The following CAPN6 variants were observed in gnomAD, a reference collection of about 807,000 sequenced individuals.
CAPN6 encodes the protein calpain 6, also known as calpain-6.
In CAPN6, 16 loss-of-function variants were observed where a neutral mutation model predicts 46.0. The ratio of observed to expected loss-of-function variants is 0.35; its 90% confidence interval spans 0.24 to 0.53. The LOEUF is 0.53. Among genes scored for constraint, CAPN6 ranks in the 20% least tolerant of loss-of-function variants. CAPN6 has a pLI of 0.94. For missense variants in CAPN6, 461 were observed against 498.0 expected (o/e 0.93, Z 0.71); for synonymous variants, 206 against 172.8 (o/e 1.19, Z -1.51).
At chrX:111,263,675 T>A in intron 2 of CAPN6, 97 bp downstream of exon 2, 1 of 615,341 alleles carries the variant, frequency 1.6e-6, no homozygotes, top group Non-Finnish European at 2.4e-6. Context: ...AACTTCTAAA[T>A]TGGTCTACAC....
At position 111,250,935 on chromosome X, in the gene CAPN6, G is replaced by A. The variant is rs760478768; in HGVS notation, c.1140C>T (p.Thr380=). 1.7e-6 allele frequency: 2 copies of A among 1,210,007 alleles called. No individual in the cohort carries two copies. The highest frequency in any genetic ancestry group is 3.0e-5 in the East Asian group (1 of 33,802). ...RSGGCYNNRD[T]FLQNPQYIFT... ...CTCAAACCTGGGGATTCTGCAGGAAGGTATCACGGTTGTTATAGCAGCCTC... is the reference window on the plus strand; with the variant it reads ...CTCAAACCTGGGGATTCTGCAGGAAAGTATCACGGTTGTTATAGCAGCCTC... Residue 380 remains threonine, a synonymous_variant, in exon 8 of 13, where the codon ACC becomes ACT. Coordinates refer to ENST00000324068, the MANE Select transcript of CAPN6 (RefSeq NM_014289.4).
chrX:111,260,781 T>G (rs754066991), intron 2 of CAPN6, among the ~76,000 whole-genome samples: 21 of 112,564 alleles, frequency 1.9e-4, no homozygotes, highest in Non-Finnish European at 3.6e-4. Context: ...ACCATTCCAA[T>G]CTATGGTAAC....
At chrX:111,263,412 A>G (rs1300140483) in intron 2 of CAPN6, among the ~76,000 whole-genome samples, 1 of 111,749 alleles carries the variant, frequency 8.9e-6, no homozygotes, top group Non-Finnish European at 1.9e-5. Context: ...TGTTTTTTCT[A>G]AGTAAATCTG....
chrX:111,249,201 C>G (rs1370251237), intron 8 of CAPN6, 144 bp from the exon 9 acceptor site: 1 of 596,652 alleles, frequency 1.7e-6, no homozygotes, highest in Non-Finnish European at 2.6e-6. Context: ...ACAACAAGGT[C>G]TTGGATAATT....
chrX:111,268,669 C>T (rs2094993786), intron 1 of CAPN6, among the ~76,000 whole-genome samples: 1 of 112,777 alleles, frequency 8.9e-6, no homozygotes, highest in African/African-American at 3.2e-5. Context: ...TTCACCCCTC[C>T]TTTTTTGGCT....
intron 2 of CAPN6, among the ~76,000 whole-genome samples, chrX:111,255,754 G>A (rs1438805269): frequency 9.0e-6 from 1 of 111,639 alleles, no homozygotes; most frequent in Non-Finnish European, 1.9e-5. Flanking sequence ...CAGGCATTCT[G>A]GGCAAAGACA....
Position 111,252,453 on chromosome X carries a change from T to C in CAPN6, c.553A>G (p.Ile185Val). The change falls in exon 5 of 13, where the codon ATT becomes GTT. Residue 185 changes from isoleucine (I) to valine (V), a missense_variant. Coordinates refer to ENST00000324068, the MANE Select transcript of CAPN6 (RefSeq NM_014289.4). ...EALDGLTITD[I>V]IVDFTGTLAE... Reference sequence around the variant, plus strand: ...AATGTGCCCGTGAAGTCCACAATAATATCAGTGATGGTCAAACCATCCAGG... The same window carrying C: ...AATGTGCCCGTGAAGTCCACAATAACATCAGTGATGGTCAAACCATCCAGG... 1 of 1,210,795 alleles carries C rather than the reference T, an allele frequency of 8.3e-7. No individual in the cohort carries two copies. Among genetic ancestry groups the C allele is most frequent in the East Asian group, 3.0e-5 (1 of 33,798 alleles).
Position 111,251,018 on chromosome X carries a change from G to T in CAPN6, c.1057C>A (p.Leu353Met). Residue 353 changes from leucine (L) to methionine (M), a missense_variant, in exon 8 of 13, where the codon CTG becomes ATG. Transcript: ENST00000324068. The part of the protein sequence containing the change: ...VNNPIFGRKE[L>M]ESVLGCWTVD... ...GTCCAGCATCCCAACACCGATTCCA[G>T]CTCCTTTCGGCCAAAAATAGGGTTG... The T allele has an allele frequency of 8.3e-7, 1 of 1,211,395 alleles. No individual in the cohort carries two copies. The highest frequency in any genetic ancestry group is 1.1e-6 in the Non-Finnish European group (1 of 895,317).
intron 5 of CAPN6, 29 bp from the exon 6 acceptor site, chrX:111,251,771 AC>A (rs1217757136): frequency 3.5e-6 from 4 of 1,144,090 alleles, no homozygotes; most frequent in Non-Finnish European, 4.8e-6. Context: ...ATATAAAGGC[AC>A]AGGAATTGGG....
intron 8 of CAPN6, among the ~76,000 whole-genome samples, chrX:111,249,268 T>C (rs1193376546): frequency 8.9e-6 from 1 of 112,246 alleles, no homozygotes; most frequent in East Asian, 2.8e-4. Flanking sequence ...TCATTCAGCA[T>C]GTGTTGAAGG....
At chrX:111,258,678 G>C (rs1478143762) in intron 2 of CAPN6, among the ~76,000 whole-genome samples, 2 of 111,515 alleles carry the variant, frequency 1.8e-5, no homozygotes, top group Non-Finnish European at 3.8e-5. Flanking sequence ...TCCAAGGAAA[G>C]CTCAATATGG....
chrX:111,247,409 T>C lies in CAPN6; in HGVS notation c.1702A>G (p.Ile568Val). The C allele has an allele frequency of 1.7e-6, 2 of 1,208,901 alleles. No individual in the cohort carries two copies. The highest frequency in any genetic ancestry group is 2.2e-6 in the Non-Finnish European group (2 of 893,894). ...ATGTCAGTGGTCCTTCTGTAGAAAA[T>C]GGCCTGGGTGTCAAAAATGGCATGA... Reference protein sequence around the residue: ...TVHAIFDTQAIFYRRTTDIPI... With the variant: ...TVHAIFDTQAVFYRRTTDIPI... The change falls in exon 12 of 13, where the codon ATT becomes GTT. Residue 568 changes from isoleucine (I) to valine (V), a missense_variant. Ile to Val is a conservative substitution (Grantham distance 29, BLOSUM62 3). Transcript: ENST00000324068.
At chrX:111,260,796 C>T (rs942104800) in intron 2 of CAPN6, among the ~76,000 whole-genome samples, 2 of 112,575 alleles carry the variant, frequency 1.8e-5, no homozygotes, top group African/African-American at 3.2e-5. Flanking sequence ...GGTAACCTCC[C>T]CTTCTTCAAA....
intron 1 of CAPN6, among the ~76,000 whole-genome samples, chrX:111,267,289 C>T (rs2094992691): frequency 9.5e-6 from 1 of 104,986 alleles, no homozygotes; most frequent in Non-Finnish European, 1.9e-5. Flanking sequence ...GTGGAATGAG[C>T]GGTTGGGTGA....
chrX:111,259,462 T>TA (rs951341816), intron 2 of CAPN6, among the ~76,000 whole-genome samples: 8 of 112,285 alleles, frequency 7.1e-5, no homozygotes, highest in Non-Finnish European at 1.5e-4. Context: ...TTTCTTTCCT[T>TA]ACGGTTCCCT....
intron 1 of CAPN6, among the ~76,000 whole-genome samples, chrX:111,266,840 A>G (rs2094992340): frequency 8.9e-6 from 1 of 112,943 alleles, no homozygotes; most frequent in African/African-American, 3.2e-5. Context: ...CCTCCAAAGC[A>G]AACATGATAC....
At chrX:111,268,710 C>T (rs996228224) in intron 1 of CAPN6, among the ~76,000 whole-genome samples, 1 of 112,721 alleles carries the variant, frequency 8.9e-6, no homozygotes. Flanking sequence ...TAAGCCCATC[C>T]TATATGTCTA....
chrX:111,245,953 A>G lies in CAPN6; in HGVS notation c.*624T>C, dbSNP rs1046893165. On this transcript the variant is annotated 3_prime_UTR_variant, in exon 13 of 13. Transcript: ENST00000324068. ...TTAAGCACCAGGAAGCTTTCTCAAC[A>G]TGAAGGTAAAATTTACTGTCGGGGG... 8 of 113,249 alleles carry G rather than the reference A, an allele frequency of 7.1e-5. No individual in the cohort carries two copies. The highest frequency in any genetic ancestry group is 6.6e-4 in the Admixed American group (7 of 10,557). The allele number at this position is 113,249 out of a possible 1,213,427, so 9.3% of individuals were successfully genotyped here.
intron 2 of CAPN6, among the ~76,000 whole-genome samples, chrX:111,257,355 G>A (rs992864): frequency 0.26 from 29,380 of 111,404 alleles, 7,520 homozygotes; most frequent in African/African-American, 0.81. Context: ...GTTCCAGGAT[G>A]AATATCACTA....
Sources: allele counts gnomAD v4.1 joint callset (sites outside exome capture counted in the v4.1 genomes callset), GRCh38; gene constraint gnomAD v4.1.1; transcripts MANE v1.5; gene names NCBI Gene and HGNC (gene_info 2026-07-23, HGNC 2026-07-21).